CTNNA2: variants seen among roughly 807,000 people sequenced by gnomAD.
CTNNA2 encodes catenin alpha-2.
A neutral mutation model predicts 101.0 loss-of-function variants in CTNNA2; 42 were observed. The observed-to-expected ratio is 0.42, with a 90% CI of 0.32 to 0.54. The LOEUF is 0.54. CTNNA2 is among the 20% of genes least tolerant of loss of function. The probability of loss-of-function intolerance (pLI) is 0.14; values close to 1 mark genes in which losing one functional copy is unlikely to be tolerated. For missense variants in CTNNA2, 871 were observed against 1,223.1 expected (o/e 0.71, Z 4.29); for synonymous variants, 450 against 456.4 (o/e 0.99, Z 0.18).
At chr2:79,347,548 A>G (rs1346631159) in intron 3 of CTNNA2, among the ~76,000 whole-genome samples, 3 of 152,140 alleles carry the variant, frequency 2.0e-5, no homozygotes, top group Non-Finnish European at 4.4e-5. Flanking sequence ...CAAATCTGTA[A>G]TGCATTTAAT....
intron 7 of CTNNA2, among the ~76,000 whole-genome samples, chr2:79,991,779 C>T (rs975834688): frequency 5.3e-5 from 8 of 152,056 alleles, no homozygotes; most frequent in South Asian, 2.1e-4. Flanking sequence ...TCCAGCCTCC[C>T]GTTTGTTGGA....
chr2:80,034,825 G>C (rs72922702), intron 7 of CTNNA2, among the ~76,000 whole-genome samples: 1,650 of 152,210 alleles, frequency 0.011, 33 homozygotes, highest in African/African-American at 0.038. Context: ...GGGGGAGGAA[G>C]GGAGCATAAA....
intron 1 of CTNNA2, among the ~76,000 whole-genome samples, chr2:79,612,740 A>G (rs1286660136): frequency 6.6e-6 from 1 of 152,144 alleles, no homozygotes; most frequent in Non-Finnish European, 1.5e-5. Flanking sequence ...TAATAACAAT[A>G]GAAAAATTAC....
intron 7 of CTNNA2, among the ~76,000 whole-genome samples, chr2:79,916,476 A>G (rs1686210632): frequency 7.8e-6 from 1 of 128,574 alleles, no homozygotes; most frequent in Non-Finnish European, 1.6e-5. Flanking sequence ...TACACTTCCC[A>G]TGCAAAACTT....
chr2:79,693,762 T>G (rs1164995880), intron 2 of CTNNA2, among the ~76,000 whole-genome samples: 1 of 151,910 alleles, frequency 6.6e-6, no homozygotes, highest in African/African-American at 2.4e-5. Context: ...TCTCACCCAT[T>G]CTACCTTCTC....
chr2:80,357,282 T>C (rs1673928127), intron 7 of CTNNA2, among the ~76,000 whole-genome samples: 1 of 151,678 alleles, frequency 6.6e-6, no homozygotes, highest in African/African-American at 2.4e-5. Flanking sequence ...TATTTTTTAT[T>C]TTTTTTTGGT....
intron 4 of CTNNA2, among the ~76,000 whole-genome samples, chr2:79,414,360 A>G (rs537848694): frequency 2.0e-5 from 3 of 152,078 alleles, no homozygotes; most frequent in Admixed American, 2.0e-4. Context: ...CTGAGGATCA[A>G]AAAACGAGGA....
chr2:79,386,596 T>C (rs371073663), intron 4 of CTNNA2, among the ~76,000 whole-genome samples: 190 of 152,352 alleles, frequency 1.2e-3, no homozygotes, highest in African/African-American at 3.8e-3. Context: ...TAATACACTC[T>C]GTCTTATTTA....
chr2:79,905,953 C>A lies in CTNNA2; in HGVS notation c.853-3641C>A, dbSNP rs182737588. On this transcript the variant is annotated intron_variant, in intron 6 of 18. Coordinates refer to ENST00000402739, the MANE Select transcript of CTNNA2 (RefSeq NM_001282597.3). The stretch of plus-strand genomic sequence containing the variant: ...TTATTTGTAGGAACTATAGATACAG[C>A]CTTTTCCTCTAGCTCTTGAGCCTCT... 2.0e-3 allele frequency among the ~76,000 whole-genome samples: 309 copies of A among 152,154 alleles called. 1 individual carries two copies. Among genetic ancestry groups the A allele is most frequent in the African/African-American group, 7.0e-3 (289 of 41,518 alleles).
chr2:79,939,763 T>C (rs919212752), intron 7 of CTNNA2, among the ~76,000 whole-genome samples: 2 of 152,198 alleles, frequency 1.3e-5, no homozygotes, highest in African/African-American at 4.8e-5. Context: ...ATAAAATTCC[T>C]ACTCACAGAA....
At chr2:79,570,236 T>A (rs1020072441) in intron 1 of CTNNA2, among the ~76,000 whole-genome samples, 3 of 152,180 alleles carry the variant, frequency 2.0e-5, no homozygotes, top group Non-Finnish European at 4.4e-5. Context: ...GTGGACCAGG[T>A]CAGTGTTTTA....
At chr2:79,218,232 A>C (rs975337174) in intron 2 of CTNNA2, among the ~76,000 whole-genome samples, 3 of 151,764 alleles carry the variant, frequency 2.0e-5, no homozygotes, top group Admixed American at 1.3e-4. Context: ...AAAGGCAGGA[A>C]GTGGAGAGAC....
chr2:79,757,227 A>G (rs894809900), intron 3 of CTNNA2, among the ~76,000 whole-genome samples: 4 of 151,804 alleles, frequency 2.6e-5, no homozygotes, highest in African/African-American at 7.3e-5. Flanking sequence ...TAATAAACCA[A>G]TATTTATAGA....
At chr2:79,238,350 C>G (rs1674583199) in intron 2 of CTNNA2, among the ~76,000 whole-genome samples, 1 of 152,058 alleles carries the variant, frequency 6.6e-6, no homozygotes, top group South Asian at 2.1e-4. Context: ...TAACCTCAAC[C>G]AAAACAATTA....
chr2:80,617,649 C>T (rs1231233553), intron 17 of CTNNA2, among the ~76,000 whole-genome samples: 1 of 151,558 alleles, frequency 6.6e-6, no homozygotes, highest in Non-Finnish European at 1.5e-5. Context: ...GAAAAATGGA[C>T]ATGATGTTGC....
intron 1 of CTNNA2, among the ~76,000 whole-genome samples, chr2:79,583,899 C>G (rs1676306122): frequency 6.6e-6 from 1 of 151,770 alleles, no homozygotes; most frequent in South Asian, 2.1e-4. Flanking sequence ...CTATTTTTTT[C>G]TTCATTGTTT....
Position 79,650,112 on chromosome 2 carries a change from A to G in CTNNA2, c.-5-1440A>G, listed in dbSNP as rs1681114025. 5.8e-5 allele frequency among the ~76,000 whole-genome samples: 8 copies of G among 136,816 alleles called. No individual in the cohort carries two copies. The Admixed American group carries it at 6.7e-4, about 11-fold the overall frequency. The allele number at this position is 136,816 out of a possible 152,430, so 89.8% of individuals were successfully genotyped here. ...GTTGCTTGTCCAGTGGTTAGATGTCAGAATGTATTTAGCAATTTCTTGATG... is the reference window on the plus strand; with the variant it reads ...GTTGCTTGTCCAGTGGTTAGATGTCGGAATGTATTTAGCAATTTCTTGATG... On this transcript the variant is annotated intron_variant, in intron 1 of 18. Coordinates refer to ENST00000402739, the MANE Select transcript of CTNNA2 (RefSeq NM_001282597.3).
intron 2 of CTNNA2, among the ~76,000 whole-genome samples, chr2:79,275,687 T>C (rs865841903): frequency 7.5e-4 from 114 of 152,192 alleles, no homozygotes; most frequent in African/African-American, 2.5e-3. Context: ...AAGGTTTCAT[T>C]TGTTGTTTAG....
chr2:80,057,229 G>C (rs1437287854), intron 7 of CTNNA2, among the ~76,000 whole-genome samples: 1 of 145,670 alleles, frequency 6.9e-6, no homozygotes, highest in African/African-American at 2.6e-5. Context: ...TTCAAGATTA[G>C]ACCTCCCCCT....
Sources: gnomAD v4.1 joint callset for allele counts (sites outside exome capture counted in the v4.1 genomes callset) on GRCh38, gnomAD v4.1.1 for gene constraint, MANE v1.5 for transcripts, NCBI Gene and HGNC (gene_info 2026-07-23, HGNC 2026-07-21) for gene names.